Variants in C12orf42 observed in about 807,000 individuals in gnomAD.
The protein encoded by C12orf42 is uncharacterized protein C12orf42.
A neutral mutation model predicts 21.6 loss-of-function variants in C12orf42; 25 were observed. The ratio of observed to expected loss-of-function variants is 1.16; its 90% CI spans 0.84 to 1.62. The LOEUF is 1.62. C12orf42 is among the 40% of genes most tolerant of loss of function. The pLI is 0.00. For synonymous variants in C12orf42, 174 were observed against 175.0 expected, an observed-to-expected ratio of 0.99 and a Z score of 0.05; for missense variants, 483 against 459.3, an observed-to-expected ratio of 1.05 and a Z score of -0.47.
chr12:103,423,222 G>T (rs2050075692), intron 2 of C12orf42, among the ~76,000 whole-genome samples: 1 of 152,148 alleles, frequency 6.6e-6, no homozygotes, highest in African/African-American at 2.4e-5. Context: ...AGTATCCTCT[G>T]TGAAGAATTA....
At chr12:103,254,504 C>T (rs940737497) in intron 10 of C12orf42, among the ~76,000 whole-genome samples, 3 of 152,164 alleles carry the variant, frequency 2.0e-5, no homozygotes, top group Non-Finnish European at 1.5e-5. Context: ...AGTGCTGGTA[C>T]AAAAACAGAC....
intron 4 of C12orf42, among the ~76,000 whole-genome samples, chr12:103,296,396 G>T (rs1010298226): frequency 1.3e-5 from 2 of 152,076 alleles, no homozygotes; most frequent in African/African-American, 4.8e-5. Flanking sequence ...AGATGGCTGG[G>T]TCAAATGGTA....
At chr12:103,210,639 C>CTTTTTTTT in the C12orf42 span, among the ~76,000 whole-genome samples, 131 of 77,240 alleles carry the variant, frequency 1.7e-3, no homozygotes, top group Non-Finnish European at 1.9e-3. Context: ...CCCTCTATTT[C>CTTTTTTTT]TTTTTTTTTT....
At chr12:103,556,680 T>C in the C12orf42 span, among the ~76,000 whole-genome samples, 1 of 152,160 alleles carries the variant, frequency 6.6e-6, no homozygotes, top group Non-Finnish European at 1.5e-5. Context: ...ACAGGTTCTG[T>C]ATGGGTTGAA....
At chr12:103,317,819 T>G (rs941828571) in intron 4 of C12orf42, among the ~76,000 whole-genome samples, 1 of 152,178 alleles carries the variant, frequency 6.6e-6, no homozygotes, top group Non-Finnish European at 1.5e-5. Context: ...ATATAGGCCA[T>G]TTCACATATT....
chr12:103,378,659 G>T (rs2045909901), intron 3 of C12orf42: 1 of 152,196 alleles, frequency 6.6e-6, no homozygotes, highest in Non-Finnish European at 1.5e-5. Context: ...ACACGGCTTG[G>T]CAGAGCAGTA....
intron 1 of C12orf42, among the ~76,000 whole-genome samples, chr12:103,479,855 A>G (rs1394306520): frequency 1.3e-5 from 2 of 151,908 alleles, no homozygotes; most frequent in Admixed American, 1.3e-4. Flanking sequence ...GTTTGTTAAT[A>G]TTTTATTTTG....
At chr12:103,161,241 A>T in the C12orf42 span, among the ~76,000 whole-genome samples, 16 of 152,276 alleles carry the variant, frequency 1.1e-4, no homozygotes, top group East Asian at 3.1e-3. Flanking sequence ...TAGAAGAGGG[A>T]ATTTATAACT....
At chr12:103,150,292 A>G in the C12orf42 span, among the ~76,000 whole-genome samples, 3 of 152,214 alleles carry the variant, frequency 2.0e-5, no homozygotes, top group African/African-American at 7.2e-5. Flanking sequence ...GGAATCTCAC[A>G]ATTAAATAGG....
intron 10 of C12orf42, among the ~76,000 whole-genome samples, chr12:103,246,121 C>G (rs1263662974): frequency 6.6e-6 from 1 of 152,108 alleles, no homozygotes; most frequent in African/African-American, 2.4e-5. Context: ...TGAGTTATCA[C>G]AAAGTTGCCA....
the C12orf42 span, among the ~76,000 whole-genome samples, chr12:103,166,987 A>T: frequency 6.6e-6 from 1 of 152,176 alleles, no homozygotes. Context: ...TGATATTTCT[A>T]GTCCTAAATT....
chr12:103,532,069 A>G, the C12orf42 span, among the ~76,000 whole-genome samples: 2 of 152,222 alleles, frequency 1.3e-5, no homozygotes, highest in Non-Finnish European at 2.9e-5. Flanking sequence ...CTATGCCTCA[A>G]AGAAACTCAC....
chr12:103,467,735 T>C (rs565178180), intron 2 of C12orf42, among the ~76,000 whole-genome samples: 1 of 152,322 alleles, frequency 6.6e-6, no homozygotes, highest in Non-Finnish European at 1.5e-5. Context: ...ATTTAAAAGA[T>C]TTGTTTTTCA....
At chr12:103,426,882 G>A (rs1157144845) in intron 2 of C12orf42, among the ~76,000 whole-genome samples, 3 of 152,068 alleles carry the variant, frequency 2.0e-5, no homozygotes, top group Non-Finnish European at 4.4e-5. Flanking sequence ...AAGGAGAAAT[G>A]AAATCCTTTA....
At chr12:103,437,469 G>A (rs1354918458) in intron 2 of C12orf42, among the ~76,000 whole-genome samples, 5 of 152,010 alleles carry the variant, frequency 3.3e-5, no homozygotes, top group Non-Finnish European at 5.9e-5. Context: ...TCCAGGAGCT[G>A]GTTTTTTGAA....
intron 4 of C12orf42, among the ~76,000 whole-genome samples, chr12:103,356,327 A>C (rs550639049): frequency 9.2e-5 from 14 of 152,236 alleles, no homozygotes; most frequent in Middle Eastern, 3.4e-3. Flanking sequence ...GCCCACTAGA[A>C]TGTCTGTATC....
chr12:103,287,246 C>T (rs1202986875), intron 4 of C12orf42, among the ~76,000 whole-genome samples: 1 of 152,204 alleles, frequency 6.6e-6, no homozygotes, highest in Non-Finnish European at 1.5e-5. Context: ...TATAAAGACA[C>T]ATGCACATGT....
At chr12:103,510,583 C>T in the C12orf42 span, among the ~76,000 whole-genome samples, 1 of 152,122 alleles carries the variant, frequency 6.6e-6, no homozygotes, top group African/African-American at 2.4e-5. Context: ...CAGACTTGGA[C>T]TTTTAGACAT....
the C12orf42 span, among the ~76,000 whole-genome samples, chr12:103,191,570 A>AAAAAAAAAAAC: frequency 1.0e-4 from 13 of 129,122 alleles, no homozygotes; most frequent in African/African-American, 3.8e-4. Flanking sequence ...AAAAAAAAAA[A>AAAAAAAAAAAC]AAAATACAAA....
Sources: allele counts gnomAD v4.1 joint callset (sites outside exome capture counted in the v4.1 genomes callset), GRCh38; gene constraint gnomAD v4.1.1; transcripts MANE v1.5; gene names NCBI Gene and HGNC (gene_info 2026-07-23, HGNC 2026-07-21).